The following SLC35D1 variants were observed in gnomAD, a reference collection of about 807,000 sequenced individuals.
SLC35D1 encodes the protein solute carrier family 35 member D1, also known as nucleotide sugar transporter SLC35D1.
In SLC35D1, 31 loss-of-function variants were observed where a neutral mutation model predicts 46.7. The ratio of observed to expected loss-of-function variants is 0.66; its 90% CI spans 0.50 to 0.90. The LOEUF is 0.90. Among genes scored for constraint, SLC35D1 ranks in the 40% least tolerant of loss-of-function variants. The pLI is 0.00. For missense variants in SLC35D1, 397 were observed against 426.2 expected, an observed-to-expected ratio of 0.93 and a Z score of 0.60; for synonymous variants, 195 against 164.6, an observed-to-expected ratio of 1.18 and a Z score of -1.41.
At chr1:67,014,372 A>C (rs1667635097) in intron 10 of SLC35D1, among the ~76,000 whole-genome samples, 1 of 152,192 alleles carries the variant, frequency 6.6e-6, no homozygotes, top group Non-Finnish European at 1.5e-5. Context: ...AATCTTTTTC[A>C]CTTATGAATA....
In SLC35D1 at chr1:67,028,390, T is replaced by G. The variant is rs572047319; in HGVS notation, c.730-6788A>C. Among the ~76,000 whole-genome samples, 3 of 152,352 alleles carry G rather than the reference T, an allele frequency of 2.0e-5. No homozygotes were observed. In the East Asian group the frequency reaches 5.8e-4, roughly 29 times the overall value. On this transcript the variant is annotated intron_variant, in intron 8 of 11. Coordinates refer to ENST00000235345, the MANE Select transcript of SLC35D1 (RefSeq NM_015139.3). ...ATTATCCAAGTCTTCTATACTTTAC[T>G]GACTTCCAGTTTCACTGTTTTATCA...
chr1:67,049,111 G>A (rs1267015469), intron 6 of SLC35D1, among the ~76,000 whole-genome samples: 1 of 152,074 alleles, frequency 6.6e-6, no homozygotes, highest in Non-Finnish European at 1.5e-5. Flanking sequence ...TGGCTAACAT[G>A]GTGAAACTCC....
At chr1:67,011,965 A>T (rs1039120976) in intron 10 of SLC35D1, among the ~76,000 whole-genome samples, 1 of 152,092 alleles carries the variant, frequency 6.6e-6, no homozygotes, top group Non-Finnish European at 1.5e-5. Flanking sequence ...AAATTAGGGT[A>T]CTGCTTGAGG....
chr1:67,023,335 T>C (rs1392387178), intron 8 of SLC35D1, among the ~76,000 whole-genome samples: 1 of 152,216 alleles, frequency 6.6e-6, no homozygotes, highest in Non-Finnish European at 1.5e-5. Context: ...TCACCAACAC[T>C]TGGAACTGTT....
At chr1:66,997,230 G>T (rs1667247161), downstream of SLC35D1, among the ~76,000 whole-genome samples, 1 of 152,074 alleles carries the variant, frequency 6.6e-6, no homozygotes, top group African/African-American at 2.4e-5. Flanking sequence ...TGATAAAGGG[G>T]CTGGGCACAG....
Position 67,004,107 on chromosome 1 carries a change from C to T in SLC35D1, c.*233G>A. On this transcript the variant is annotated 3_prime_UTR_variant, in exon 12 of 12. Transcript: ENST00000235345. ...GAAAAATAAATTAAAAAGCCCAGTA[C>T]CTTTTCCAGTCTGATATAAATTAAT... 2.1e-6 allele frequency: 1 copy of T among 478,784 alleles called. No homozygotes were observed. Among genetic ancestry groups the T allele is most frequent in the South Asian group, 2.2e-5 (1 of 45,894 alleles). 29.7% of individuals were successfully genotyped at this position (478,784 alleles called of 1,614,324 possible).
At chr1:67,007,380 GACC>G (rs1395711709) in intron 11 of SLC35D1, among the ~76,000 whole-genome samples, 1 of 152,044 alleles carries the variant, frequency 6.6e-6, no homozygotes, top group Non-Finnish European at 1.5e-5. Context: ...CCAATTCCAT[GACC>G]TAATCACCTC....
Position 67,042,225 on chromosome 1 carries a change from G to A in SLC35D1, c.729+11C>T. ...AACGTAAGCCATTAAACCGTAATTAGAAAGTCCTACCTTTTGTGCATCTCC... is the reference window on the plus strand; with the variant it reads ...AACGTAAGCCATTAAACCGTAATTAAAAAGTCCTACCTTTTGTGCATCTCC... On this transcript the variant is annotated intron_variant, in intron 8 of 11. Coordinates refer to ENST00000235345, the MANE Select transcript of SLC35D1 (RefSeq NM_015139.3). 6.2e-7 allele frequency: 1 copy of A among 1,610,496 alleles called. No homozygotes were observed. The highest frequency in any genetic ancestry group is 8.5e-7 in the Non-Finnish European group (1 of 1,176,704).
chr1:67,045,473 T>C (rs1478203204), intron 7 of SLC35D1, among the ~76,000 whole-genome samples: 1 of 152,242 alleles, frequency 6.6e-6, no homozygotes, highest in Admixed American at 6.5e-5. Flanking sequence ...TGACCTTTTA[T>C]ACTGCTGGTA....
chr1:67,051,787 G>A (rs1259757698), intron 4 of SLC35D1, among the ~76,000 whole-genome samples: 1 of 107,948 alleles, frequency 9.3e-6, no homozygotes, highest in Non-Finnish European at 2.1e-5. Context: ...CAAAATGAGG[G>A]GTAAAAAAAC....
chr1:67,042,367 G>A (rs753077249), intron 7 of SLC35D1, 39 bp from the exon 8 acceptor site: 2 of 1,559,876 alleles, frequency 1.3e-6, no homozygotes, highest in Non-Finnish European at 1.8e-6. Context: ...TCTGCGTTTT[G>A]TTCTAGCAGA....
Position 67,003,597 on chromosome 1 carries a change from C to T in SLC35D1, c.*743G>A, listed in dbSNP as rs1299544277. ...ATCTCTGTATCCCCAGCATTTAGCA[C>T]AATGCCTGGCACATATACTTAAAAC... is the stretch of plus-strand genomic sequence containing the variant. On this transcript the variant is annotated 3_prime_UTR_variant, in exon 12 of 12. Coordinates refer to ENST00000235345, the MANE Select transcript of SLC35D1 (RefSeq NM_015139.3). 6.6e-6 allele frequency: 1 copy of T among 152,568 alleles called. No homozygotes were observed. The highest frequency in any genetic ancestry group is 1.5e-5 in the Non-Finnish European group (1 of 68,230). The allele number at this position is 152,568 out of a possible 1,614,324, so 9.5% of individuals were successfully genotyped here.
At chr1:67,030,242 G>C (rs1219934469) in intron 8 of SLC35D1, among the ~76,000 whole-genome samples, 1 of 152,158 alleles carries the variant, frequency 6.6e-6, no homozygotes, top group Non-Finnish European at 1.5e-5. Context: ...TGTGACAGGA[G>C]TATTAGATCA....
chr1:67,023,687 T>C (rs763913854), intron 8 of SLC35D1, among the ~76,000 whole-genome samples: 8 of 151,630 alleles, frequency 5.3e-5, no homozygotes, highest in Non-Finnish European at 1.2e-4. Flanking sequence ...GGTTTCACCA[T>C]GTTAGCCAGG....
At chr1:66,976,877 A>G in the SLC35D1 span, among the ~76,000 whole-genome samples, 4 of 152,212 alleles carry the variant, frequency 2.6e-5, no homozygotes, top group Admixed American at 6.5e-5. Context: ...TATAATACAC[A>G]TTAAACTTTA....
At chr1:66,974,303 C>T in the SLC35D1 span, among the ~76,000 whole-genome samples, 1 of 151,988 alleles carries the variant, frequency 6.6e-6, no homozygotes, top group South Asian at 2.1e-4. Flanking sequence ...CATCTGATAA[C>T]CTCAAATATA....
intron 7 of SLC35D1, among the ~76,000 whole-genome samples, chr1:67,045,324 C>T (rs912411641): frequency 2.6e-5 from 4 of 152,210 alleles, no homozygotes; most frequent in Admixed American, 1.3e-4. Flanking sequence ...CACTGTTACG[C>T]ATCATAAATC....
At chr1:67,031,661 A>G (rs1286496246) in intron 8 of SLC35D1, among the ~76,000 whole-genome samples, 1 of 152,148 alleles carries the variant, frequency 6.6e-6, no homozygotes, top group Non-Finnish European at 1.5e-5. Context: ...TCTAACTGCC[A>G]TTAACTTTCC....
At chr1:66,978,057 G>A in the SLC35D1 span, among the ~76,000 whole-genome samples, 7 of 152,086 alleles carry the variant, frequency 4.6e-5, no homozygotes, top group South Asian at 8.3e-4. Context: ...ATTAGCTGAT[G>A]TGGTGGTGCA....
Sources: gnomAD v4.1 joint callset for allele counts (sites outside exome capture counted in the v4.1 genomes callset) on GRCh38, gnomAD v4.1.1 for gene constraint, MANE v1.5 for transcripts, NCBI Gene and HGNC (gene_info 2026-07-23, HGNC 2026-07-21) for gene names.